Variants in PTPRD observed in about 807,000 individuals in gnomAD.
PTPRD encodes the protein receptor-type tyrosine-protein phosphatase delta.
In PTPRD, 34 loss-of-function variants were observed where a neutral mutation model predicts 214.5. That is an observed-to-expected ratio of 0.16 (90% CI 0.12 to 0.21). The LOEUF is 0.21. Among genes scored for constraint, PTPRD ranks in the 10% least tolerant of loss-of-function variants. The pLI, the probability that PTPRD is intolerant of heterozygous loss-of-function variation, is 1.00. For missense variants in PTPRD, 2,545 were observed against 2,398.7 expected, an observed-to-expected ratio of 1.06 and a Z score of -1.27; for synonymous variants, 1,128 against 845.7, an observed-to-expected ratio of 1.33 and a Z score of -5.79.
intron 5 of PTPRD, among the ~76,000 whole-genome samples, chr9:9,809,070 G>T (rs1418510232): frequency 6.6e-6 from 1 of 151,648 alleles, no homozygotes; most frequent in Non-Finnish European, 1.5e-5. Context: ...ACAGGCAGAA[G>T]CCTCCGTGCC....
chr9:9,888,803 C>T (rs1279835553), intron 5 of PTPRD, among the ~76,000 whole-genome samples: 1 of 151,986 alleles, frequency 6.6e-6, no homozygotes, highest in Non-Finnish European at 1.5e-5. Context: ...TGGACTAAGA[C>T]AGATAGGGAA....
chr9:10,188,193 T>C lies in PTPRD; in HGVS notation c.-545+152770A>G, dbSNP rs541953376. ...CCCTTTTCCTGCCAATTCTACTTAT[T>C]TTCATTCATTTTATGGATATGCATT... On this transcript the variant is annotated intron_variant, in intron 3 of 45. Transcript: ENST00000381196. Among the ~76,000 whole-genome samples, 270 of 152,302 alleles carry C rather than the reference T, an allele frequency of 1.8e-3. 2 individuals are homozygous for C. The highest frequency in any genetic ancestry group is 6.3e-3 in the African/African-American group (263 of 41,562).
At chr9:10,219,240 T>C (rs926050159) in intron 3 of PTPRD, among the ~76,000 whole-genome samples, 1 of 151,862 alleles carries the variant, frequency 6.6e-6, no homozygotes, top group African/African-American at 2.4e-5. Flanking sequence ...TAAAGGTTTA[T>C]AGTTAAGGTA....
chr9:9,654,737 T>C lies in PTPRD; in HGVS notation c.-287+79796A>G, dbSNP rs547751523. 2.0e-4 allele frequency among the ~76,000 whole-genome samples: 31 copies of C among 152,320 alleles called. No homozygotes were observed. In the South Asian group the frequency reaches 6.2e-3, roughly 31 times the overall value. On this transcript the variant is annotated intron_variant, in intron 7 of 45. Transcript: ENST00000381196. The stretch of plus-strand genomic sequence containing the variant: ...AGTGTCAAAAGCAAGACATTGTCAA[T>C]TGATATCTGCATACATGCAAATATG...
chr9:8,764,849 T>C (rs1487832016), intron 11 of PTPRD, among the ~76,000 whole-genome samples: 2 of 151,204 alleles, frequency 1.3e-5, no homozygotes, highest in Admixed American at 1.3e-4. Context: ...GCTTATTTGA[T>C]GGCAATAGAG....
intron 11 of PTPRD, among the ~76,000 whole-genome samples, chr9:8,866,645 T>G (rs1161635431): frequency 6.6e-6 from 1 of 152,208 alleles, no homozygotes; most frequent in African/African-American, 2.4e-5. Flanking sequence ...AATCTTTACC[T>G]CTTTTCTACC....
At chr9:9,566,266 T>A (rs1255872048) in intron 8 of PTPRD, among the ~76,000 whole-genome samples, 1 of 151,982 alleles carries the variant, frequency 6.6e-6, no homozygotes, top group Non-Finnish European at 1.5e-5. Context: ...ATAAAAATAA[T>A]TTGCACATGT....
intron 9 of PTPRD, among the ~76,000 whole-genome samples, chr9:9,278,258 C>A (rs538445567): frequency 1.7e-4 from 25 of 151,228 alleles, no homozygotes; most frequent in African/African-American, 6.0e-4. Flanking sequence ...GTATTTATTC[C>A]TTTTAATAGA....
chr9:9,258,387 T>C (rs1469119916), intron 9 of PTPRD, among the ~76,000 whole-genome samples: 3 of 151,824 alleles, frequency 2.0e-5, no homozygotes, highest in Non-Finnish European at 4.4e-5. Context: ...TGTATTGCTG[T>C]TCTGGTTAGT....
intron 8 of PTPRD, among the ~76,000 whole-genome samples, chr9:9,419,152 C>CAT (rs2077909077): frequency 6.6e-6 from 1 of 150,876 alleles, no homozygotes; most frequent in South Asian, 2.1e-4. Context: ...CACACACACA[C>CAT]ACACACACAC....
At chr9:9,157,610 T>C (rs2099882347) in intron 10 of PTPRD, among the ~76,000 whole-genome samples, 1 of 151,856 alleles carries the variant, frequency 6.6e-6, no homozygotes, top group African/African-American at 2.4e-5. Context: ...AGGAAGGAGA[T>C]TGAATCAATA....
chr9:9,298,310 C>T (rs912786975), intron 9 of PTPRD, among the ~76,000 whole-genome samples: 8 of 151,528 alleles, frequency 5.3e-5, no homozygotes, highest in Admixed American at 3.3e-4. Context: ...ATCCTTTGTA[C>T]ATGAAAAGAT....
At chr9:9,467,234 T>G (rs10977790) in intron 8 of PTPRD, among the ~76,000 whole-genome samples, 4 of 123,042 alleles carry the variant, frequency 3.3e-5, no homozygotes, top group East Asian at 2.7e-4. Flanking sequence ...TTTTTTTTTT[T>G]TTTAACCTAA....
intron 14 of PTPRD, among the ~76,000 whole-genome samples, chr9:8,533,144 C>G (rs1048426644): frequency 6.6e-6 from 1 of 152,042 alleles, no homozygotes; most frequent in African/African-American, 2.4e-5. Flanking sequence ...GATGCTCTTA[C>G]TTTCACTCCA....
intron 5 of PTPRD, among the ~76,000 whole-genome samples, chr9:9,917,466 A>AAT: frequency 6.7e-6 from 1 of 150,358 alleles, no homozygotes; most frequent in Non-Finnish European, 1.5e-5. Flanking sequence ...AAAAAAAAAA[A>AAT]AAAAAATCCA....
chr9:9,776,141 A>T (rs2098797206), intron 5 of PTPRD, among the ~76,000 whole-genome samples: 1 of 152,066 alleles, frequency 6.6e-6, no homozygotes, highest in South Asian at 2.1e-4. Context: ...GTTCTGCTGG[A>T]GGAAAACTAA....
chr9:9,005,517 C>G (rs1409951505), intron 11 of PTPRD, among the ~76,000 whole-genome samples: 2 of 151,960 alleles, frequency 1.3e-5, no homozygotes, highest in Admixed American at 1.3e-4. Flanking sequence ...CCTGAATGAA[C>G]CACCCAACTT....
At chr9:9,603,355 T>G (rs1368491521) in intron 7 of PTPRD, among the ~76,000 whole-genome samples, 1 of 152,146 alleles carries the variant, frequency 6.6e-6, no homozygotes, top group African/African-American at 2.4e-5. Flanking sequence ...GTGAGATGTT[T>G]AAGTACCAGC....
intron 8 of PTPRD, among the ~76,000 whole-genome samples, chr9:9,408,771 A>C (rs1197807178): frequency 6.6e-6 from 1 of 151,876 alleles, no homozygotes; most frequent in Non-Finnish European, 1.5e-5. Context: ...TGTGAAGATT[A>C]AATAAAATAA....
Sources: gnomAD v4.1 joint callset for allele counts (sites outside exome capture counted in the v4.1 genomes callset) on GRCh38, gnomAD v4.1.1 for gene constraint, MANE v1.5 for transcripts, NCBI Gene and HGNC (gene_info 2026-07-23, HGNC 2026-07-21) for gene names.